The following ENPP3 variants were observed in gnomAD, a reference collection of about 807,000 sequenced individuals.
ENPP3 encodes ectonucleotide pyrophosphatase/phosphodiesterase family member 3.
A neutral mutation model predicts 117.8 loss-of-function variants in ENPP3; 104 were observed. The ratio of observed to expected loss-of-function variants is 0.88; its 90% CI spans 0.75 to 1.04. The LOEUF (loss-of-function observed/expected upper bound fraction) is 1.04, where lower values mean the gene tolerates loss of function less well. Among genes scored for constraint, ENPP3 ranks in the 50% least tolerant of loss-of-function variants. The probability of loss-of-function intolerance (pLI) is 0.00; values close to 1 mark genes in which losing one functional copy is unlikely to be tolerated. For missense variants in ENPP3, 1,026 were observed against 1,051.9 expected (o/e 0.98, Z 0.34); for synonymous variants, 380 against 349.9 (o/e 1.09, Z -0.96).
At chr6:131,720,435 G>GAT (rs1554267718) in intron 17 of ENPP3, 56 bp downstream of exon 17, 1 of 883,076 alleles carries the variant, frequency 1.1e-6, no homozygotes. Context: ...AAATATATGT[G>GAT]ATTTGAAATT....
chr6:131,676,481 C>G (rs929836037), intron 9 of ENPP3, among the ~76,000 whole-genome samples: 26 of 152,054 alleles, frequency 1.7e-4, no homozygotes, highest in Non-Finnish European at 2.1e-4. Context: ...AATCAATTGT[C>G]TTTTATTTTA....
chr6:131,734,060 C>G (rs1780344079), intron 21 of ENPP3, among the ~76,000 whole-genome samples: 1 of 152,142 alleles, frequency 6.6e-6, no homozygotes, highest in South Asian at 2.1e-4. Context: ...CTAAGGTCCA[C>G]CTGGAGAATA....
At chr6:131,693,678 A>G (rs1287332096) in intron 15 of ENPP3, 54 bp downstream of exon 15, 3 of 1,558,158 alleles carry the variant, frequency 1.9e-6, no homozygotes, top group African/African-American at 2.7e-5. Context: ...ATTTGTCATT[A>G]TAAGTCTACT....
In ENPP3 at chr6:131,671,425, C is replaced by G. The variant is rs948642052; in HGVS notation, c.642+98C>G. ...GAACTGACCGAGTTCTGTGACTTAC[C>G]CTTCTGAAGCACATGGGGGGATAGT... On this transcript the variant is annotated intron_variant, in intron 7 of 24. Coordinates refer to ENST00000357639, the MANE Select transcript of ENPP3 (RefSeq NM_005021.5). 4 of 740,080 alleles carry G rather than the reference C, an allele frequency of 5.4e-6. No individual in the cohort carries two copies. In the African/African-American group the frequency reaches 7.1e-5, roughly 13 times the overall value. 45.8% of individuals were successfully genotyped at this position (740,080 alleles called of 1,614,324 possible).
intron 15 of ENPP3, chr6:131,710,309 G>A: frequency 7.7e-6 from 12 of 1,565,400 alleles, no homozygotes; most frequent in Non-Finnish European, 1.0e-5. Flanking sequence ...TCACTCACTT[G>A]TCCTTTCCAT....
intron 9 of ENPP3, 101 bp downstream of exon 9, chr6:131,675,290 C>A: frequency 2.7e-6 from 2 of 752,158 alleles, no homozygotes; most frequent in Non-Finnish European, 4.6e-6. Flanking sequence ...GTTGTTTAAG[C>A]CAAAAATCTT....
intron 11 of ENPP3, among the ~76,000 whole-genome samples, chr6:131,679,723 T>G (rs984434515): frequency 6.6e-6 from 1 of 152,094 alleles, no homozygotes; most frequent in African/African-American, 2.4e-5. Context: ...GCAAGTGGTC[T>G]TATTGAGGAA....
intron 1 of ENPP3, among the ~76,000 whole-genome samples, chr6:131,638,122 A>G (rs530725183): frequency 5.3e-5 from 8 of 151,906 alleles, no homozygotes; most frequent in African/African-American, 1.2e-4. Flanking sequence ...TCAGCCCCCA[A>G]CCATTCCTTT....
intron 3 of ENPP3, 76 bp from the exon 4 acceptor site, chr6:131,652,466 A>G (rs1778283186): frequency 7.3e-7 from 1 of 1,365,504 alleles, no homozygotes; most frequent in Admixed American, 1.9e-5. Flanking sequence ...ATTATAATAT[A>G]GGAATAAATA....
intron 15 of ENPP3, among the ~76,000 whole-genome samples, chr6:131,703,576 A>T (rs1305554353): frequency 1.5e-5 from 2 of 136,006 alleles, no homozygotes; most frequent in Non-Finnish European, 3.0e-5. Flanking sequence ...AAGCAATGAA[A>T]ATGACCTTAA....
At chr6:131,697,202 C>T (rs1019905850) in intron 15 of ENPP3, among the ~76,000 whole-genome samples, 3 of 152,144 alleles carry the variant, frequency 2.0e-5, no homozygotes, top group Non-Finnish European at 2.9e-5. Context: ...TGTATGAAGC[C>T]ATCATGTGTA....
At position 131,646,274 on chromosome 6, in the gene ENPP3, C is replaced by CTGTGTGTGTGTGTGTGTG. The variant is rs34014584; in HGVS notation, c.155-3735_155-3718dup. On this transcript the variant is annotated intron_variant, in intron 2 of 24. Coordinates refer to ENST00000357639, the MANE Select transcript of ENPP3 (RefSeq NM_005021.5). The stretch of plus-strand genomic sequence containing the variant: ...TCTCTTTTCTGAGGCTCTCAATACT[C>CTGTGTGTGTGTGTGTGTG]TGTGTGTGTGTGTGTGTGTGTGTGT... Among the ~76,000 whole-genome samples, 422 of 145,576 alleles carry CTGTGTGTGTGTGTGTGTG rather than the reference C, an allele frequency of 2.9e-3. 4 individuals carry two copies. The highest frequency in any genetic ancestry group is 0.01 in the African/African-American group (402 of 39,396).
At chr6:131,740,582 G>A (rs1780507939) in intron 24 of ENPP3, among the ~76,000 whole-genome samples, 1 of 152,042 alleles carries the variant, frequency 6.6e-6, no homozygotes, top group Non-Finnish European at 1.5e-5. Context: ...TATCTGCATA[G>A]TTGAACATAT....
intron 14 of ENPP3, among the ~76,000 whole-genome samples, chr6:131,692,681 T>TTA (rs1040849228): frequency 6.8e-6 from 1 of 146,742 alleles, no homozygotes; most frequent in African/African-American, 2.5e-5. Context: ...TAATATATGG[T>TTA]TATATATATT....
chr6:131,719,990 C>T (rs537167119), intron 16 of ENPP3, among the ~76,000 whole-genome samples: 1 of 152,162 alleles, frequency 6.6e-6, no homozygotes, highest in South Asian at 2.1e-4. Context: ...GCCCATATTG[C>T]AGAATTATGC....
chr6:131,671,313 T>A lies in ENPP3; in HGVS notation c.628T>A (p.Tyr210Asn). 12 of 1,597,520 alleles carry A rather than the reference T, an allele frequency of 7.5e-6. No homozygotes were observed. The highest frequency in any genetic ancestry group is 1.0e-5 in the Non-Finnish European group (12 of 1,164,938). The change falls in exon 7 of 25, where the codon TAC becomes AAC. Residue 210 changes from tyrosine (Y) to asparagine (N), a missense_variant. By Grantham distance (143) the Tyr-to-Asn change is moderately radical. Transcript: ENST00000357639. ...MYPTKTFPNH[Y>N]TIVTGLYPES... ...TCCTACCAAAACCTTCCCAAATCAT[T>A]ACACCATTGTCACGGTAAGTGCTTG...
Position 131,693,545 on chromosome 6 carries a change from C to G in ENPP3, c.1333C>G (p.Pro445Ala). 2.5e-6 allele frequency: 4 copies of G among 1,613,430 alleles called. No individual in the cohort carries two copies. The highest frequency in any genetic ancestry group is 3.4e-6 in the Non-Finnish European group (4 of 1,179,654). The part of the protein sequence containing the change: ...HFKPYLTPDL[P>A]KRLHYAKNVR... ...CAAGCCCTATTTGACTCCTGATTTG[C>G]CAAAGCGACTGCACTATGCCAAGAA... Residue 445 changes from proline (P) to alanine (A), a missense_variant, in exon 15 of 25, where the codon CCA (proline) becomes GCA (alanine). Pro to Ala is a conservative substitution (Grantham distance 27). Transcript: ENST00000357639.
At chr6:131,661,658 T>C (rs373123053) in intron 6 of ENPP3, among the ~76,000 whole-genome samples, 68 of 152,304 alleles carry the variant, frequency 4.5e-4, no homozygotes, top group African/African-American at 1.6e-3. Context: ...ACCTATTGGA[T>C]ATTTGTATGT....
chr6:131,712,291 T>G (rs1779805772), intron 15 of ENPP3, among the ~76,000 whole-genome samples: 1 of 147,460 alleles, frequency 6.8e-6, no homozygotes, highest in South Asian at 2.1e-4. Context: ...TAATATGATA[T>G]AGAACTACTC....
Sources: allele counts gnomAD v4.1 joint callset (sites outside exome capture counted in the v4.1 genomes callset), GRCh38; gene constraint gnomAD v4.1.1; transcripts MANE v1.5; gene names NCBI Gene and HGNC (gene_info 2026-07-23, HGNC 2026-07-21).